Variants in SYNJ2 observed in about 807,000 individuals in gnomAD.
SYNJ2 encodes the protein synaptojanin 2.
A neutral mutation model predicts 141.3 loss-of-function variants in SYNJ2; 116 were observed. The ratio of observed to expected loss-of-function variants is 0.82; its 90% CI spans 0.71 to 0.96. The LOEUF is 0.96. SYNJ2 is among the 40% of genes least tolerant of loss of function. SYNJ2 has a pLI of 0.00. For synonymous variants in SYNJ2, 745 were observed against 777.7 expected (o/e 0.96, Z 0.70); for missense variants, 1,873 against 1,934.8 (o/e 0.97, Z 0.60).
chr6:158,092,929 C>G lies in SYNJ2; in HGVS notation c.3569C>G (p.Ala1190Gly). The G allele has an allele frequency of 6.3e-7, 1 of 1,582,214 alleles. No homozygotes were observed. Among genetic ancestry groups the G allele is most frequent in the Non-Finnish European group, 8.5e-7 (1 of 1,169,996 alleles). ...GCCATGTGGTTTTATGTTTCAGGTG[C>G]CTCCGAAGAAGCCCTAAGTGCCGTG... ...IRCLLEARGG[A>G]SEEALSAVAP... Residue 1190 changes from alanine (A) to glycine (G), a missense_variant, in exon 26 of 27, where the codon GCC (alanine) becomes GGC (glycine). By Grantham distance (60) the Ala-to-Gly change is moderately conservative. Coordinates refer to ENST00000355585, the MANE Select transcript of SYNJ2 (RefSeq NM_003898.4).
rs143113015 is a variant in SYNJ2 at position 158,051,161 on chromosome 6, G to A, written c.796-3806G>A. On this transcript the variant is annotated intron_variant, in intron 5 of 26. Coordinates refer to ENST00000355585, the MANE Select transcript of SYNJ2 (RefSeq NM_003898.4). ...TAGAACTTGTCACGACGGAGAGCCA[G>A]GCTCCTCAGCCCTGGCCTGCCAAGC... Among the ~76,000 whole-genome samples, 983 of 152,284 alleles carry A rather than the reference G, an allele frequency of 6.5e-3. 6 individuals are homozygous for A. Among genetic ancestry groups the A allele is most frequent in the African/African-American group, 0.019 (791 of 41,548 alleles).
In SYNJ2 at chr6:158,027,226, T is replaced by C. The variant is rs183453337; in HGVS notation, c.215-1530T>C. The C allele has an allele frequency of 2.8e-5, 27 of 980,968 alleles. No homozygotes were observed. The African/African-American group carries it at 4.5e-4, about 17-fold the overall frequency. The allele number at this position is 980,968 out of a possible 1,614,324, so 60.8% of individuals were successfully genotyped here. On this transcript the variant is annotated intron_variant, in intron 2 of 26. Transcript: ENST00000355585. The surrounding 1 kb of genome is among the most constrained non-coding windows in gnomAD (Gnocchi z 4.6). ...TTGTTTTGGGGGTCTCTTCCTGGAGTGTGGAGAGATCAGAACCATCTCCAG... is the reference window on the plus strand; with the variant it reads ...TTGTTTTGGGGGTCTCTTCCTGGAGCGTGGAGAGATCAGAACCATCTCCAG...
chr6:158,019,411 GT>G (rs1326203027), intron 2 of SYNJ2, among the ~76,000 whole-genome samples: 1 of 152,200 alleles, frequency 6.6e-6, no homozygotes, highest in Non-Finnish European at 1.5e-5. Context: ...GGGGAAAAGT[GT>G]TTTTTCCCAG....
intron 4 of SYNJ2, among the ~76,000 whole-genome samples, chr6:158,042,456 G>T (rs1234645305): frequency 6.6e-6 from 1 of 152,252 alleles, no homozygotes; most frequent in Non-Finnish European, 1.5e-5. Context: ...GGAACGGAAA[G>T]GACCACAGCA....
chr6:158,064,387 G>A (rs1781427283), intron 9 of SYNJ2, among the ~76,000 whole-genome samples: 1 of 152,154 alleles, frequency 6.6e-6, no homozygotes, highest in Admixed American at 6.5e-5. Context: ...GTGTCAGGGG[G>A]TGAGAGGAGG....
At chr6:158,082,487 CAAAAAAA>C (rs769884420) in intron 20 of SYNJ2, among the ~76,000 whole-genome samples, 2 of 75,312 alleles carry the variant, frequency 2.7e-5, no homozygotes, top group East Asian at 4.4e-4. Context: ...ACTCTGTCTC[CAAAAAAA>C]AAAAAAAAAA....
intron 2 of SYNJ2, among the ~76,000 whole-genome samples, chr6:158,024,306 T>C (rs2128332897): frequency 6.6e-6 from 1 of 152,230 alleles, no homozygotes; most frequent in African/African-American, 2.4e-5. Flanking sequence ...ATGCCTGTAA[T>C]CCCGGCTACT....
chr6:158,019,682 C>A (rs897377686), intron 2 of SYNJ2, among the ~76,000 whole-genome samples: 1 of 152,216 alleles, frequency 6.6e-6, no homozygotes, highest in Non-Finnish European at 1.5e-5. Flanking sequence ...AGCCCTGCTC[C>A]GAGGCTTTGG....
intron 2 of SYNJ2, chr6:158,017,940 C>T (rs1778556536): frequency 1.1e-5 from 4 of 377,220 alleles, no homozygotes; most frequent in South Asian, 6.0e-5. Flanking sequence ...GGCTTCTGCC[C>T]AGGGCATTGT....
At chr6:158,075,512 G>A (rs1365194906) in intron 16 of SYNJ2, among the ~76,000 whole-genome samples, 3 of 151,798 alleles carry the variant, frequency 2.0e-5, no homozygotes, top group Admixed American at 6.6e-5. Context: ...ATGGTGGCAG[G>A]CGCCTGTAAT....
chr6:158,081,568 G>T, intron 20 of SYNJ2, 58 bp downstream of exon 20: 1 of 1,270,388 alleles, frequency 7.9e-7, no homozygotes. Flanking sequence ...CTTTTTATGT[G>T]GGCATGTCTT....
At chr6:158,035,384 A>G in intron 4 of SYNJ2, among the ~76,000 whole-genome samples, 1 of 152,074 alleles carries the variant, frequency 6.6e-6, no homozygotes, top group Non-Finnish European at 1.5e-5. Flanking sequence ...CATTGTAGAG[A>G]TCTTTCACCT....
chr6:158,095,791 A>G lies in SYNJ2; in HGVS notation c.3918A>G (p.Pro1306=), dbSNP rs1783761718. ...KAAERPSHRK[P]ASDEAPPGAG... ...CAGAGAGGCCAAGCCACAGGAAGCC[A>G]GCATCAGACGAAGCCCCTCCTGGGG... Residue 1306 remains proline (P), a synonymous_variant, in exon 27 of 27, where the codon CCA becomes CCG. Transcript: ENST00000355585. 6.2e-7 allele frequency: 1 copy of G among 1,614,064 alleles called. No individual in the cohort carries two copies. The highest frequency in any genetic ancestry group is 1.1e-5 in the South Asian group (1 of 91,092).
chr6:158,041,617 C>G (rs1403624818), intron 4 of SYNJ2, among the ~76,000 whole-genome samples: 2 of 152,162 alleles, frequency 1.3e-5, no homozygotes, highest in African/African-American at 4.8e-5. Flanking sequence ...TGGGAGGAGC[C>G]TGATGTGATG....
At chr6:158,050,441 A>G (rs1212514209) in intron 5 of SYNJ2, among the ~76,000 whole-genome samples, 1 of 152,196 alleles carries the variant, frequency 6.6e-6, no homozygotes. Flanking sequence ...GGTGCTCCCG[A>G]CTGACTTCTT....
chr6:158,030,320 C>A (rs1454730156), intron 3 of SYNJ2: 1 of 152,672 alleles, frequency 6.5e-6, no homozygotes, highest in African/African-American at 2.4e-5. Context: ...CAGTGTCTGC[C>A]TTTTGAAGCT....
At chr6:158,093,435 CAAAAA>C (rs1004076513) in intron 26 of SYNJ2, among the ~76,000 whole-genome samples, 1 of 51,524 alleles carries the variant, frequency 1.9e-5, no homozygotes, top group African/African-American at 8.2e-5. Context: ...GACTCCACCT[CAAAAA>C]AAAAAAAAAC....
chr6:158,050,004 G>C (rs1780477846), intron 5 of SYNJ2, among the ~76,000 whole-genome samples: 1 of 152,192 alleles, frequency 6.6e-6, no homozygotes. Context: ...GGCTCTGCAG[G>C]TATGGACACA....
chr6:158,048,984 G>A (rs372154592), intron 5 of SYNJ2, among the ~76,000 whole-genome samples: 6 of 152,268 alleles, frequency 3.9e-5, no homozygotes, highest in Admixed American at 6.5e-5. Context: ...ATGGGAGGCC[G>A]TTGAGCTGAG....
Sources: allele counts gnomAD v4.1 joint callset (sites outside exome capture counted in the v4.1 genomes callset), GRCh38; gene constraint gnomAD v4.1.1; non-coding constraint Gnocchi (gnomAD v3.1); transcripts MANE v1.5; gene names NCBI Gene and HGNC (gene_info 2026-07-23, HGNC 2026-07-21).